NEK11: variants seen among roughly 807,000 people sequenced by gnomAD.
The protein encoded by NEK11 is NIMA related kinase 11, also known as serine/threonine-protein kinase Nek11.
NEK11 carries 72 observed loss-of-function variants against 80.7 expected under a neutral mutation model. The ratio of observed to expected loss-of-function variants is 0.89; its 90% CI spans 0.74 to 1.08. NEK11 has a LOEUF of 1.08. NEK11 is among the 50% of genes least tolerant of loss of function. NEK11 has a pLI of 0.00. For synonymous variants in NEK11, 251 were observed against 260.7 expected (o/e 0.96, Z 0.36); for missense variants, 764 against 763.6 (o/e 1.00, Z -0.01).
chr3:131,168,730 A>G, intron 12 of NEK11, 100 bp from the exon 13 acceptor site: 1 of 725,306 alleles, frequency 1.4e-6, no homozygotes, highest in Admixed American at 2.7e-5. Context: ...CTTGATTAAT[A>G]ATGAATAGAA....
intron 17 of NEK11, among the ~76,000 whole-genome samples, chr3:131,319,828 G>C (rs1219122200): frequency 6.6e-6 from 1 of 152,000 alleles, no homozygotes; most frequent in Non-Finnish European, 1.5e-5. Flanking sequence ...AGAATACAAA[G>C]ATGGTTATCT....
intron 17 of NEK11, among the ~76,000 whole-genome samples, chr3:131,279,714 C>T: frequency 6.6e-6 from 1 of 152,086 alleles, no homozygotes; most frequent in Non-Finnish European, 1.5e-5. Flanking sequence ...TCATAGACCC[C>T]CATTGTAACT....
At chr3:131,230,637 T>C (rs1449368172) in intron 15 of NEK11, among the ~76,000 whole-genome samples, 1 of 152,182 alleles carries the variant, frequency 6.6e-6, no homozygotes, top group South Asian at 2.1e-4. Context: ...AAAAATTCCT[T>C]CTTATTAGTC....
At position 131,224,972 on chromosome 3, in the gene NEK11, T is replaced by C. The variant is rs191617848; in HGVS notation, c.1400-3556T>C. Among the ~76,000 whole-genome samples, 24 of 152,310 alleles carry C rather than the reference T, an allele frequency of 1.6e-4. 1 individual carries two copies. The highest frequency in any genetic ancestry group is 5.8e-4 in the African/African-American group (24 of 41,574). On this transcript the variant is annotated intron_variant, in intron 14 of 17. Transcript: ENST00000383366. ...GTACAGTAAGCTGCTTAATTTATTA[T>C]TGAAGAAGGGAAAACATTTTTTATA... is the stretch of plus-strand genomic sequence containing the variant.
chr3:131,187,431 T>C (rs144843616), intron 14 of NEK11, among the ~76,000 whole-genome samples: 74 of 152,298 alleles, frequency 4.9e-4, no homozygotes, highest in African/African-American at 1.7e-3. Context: ...GTTGATCTTA[T>C]ATTTCAACTT....
At chr3:131,174,689 G>A in intron 14 of NEK11, 1 of 1,444,434 alleles carries the variant, frequency 6.9e-7, no homozygotes, top group Non-Finnish European at 9.5e-7. Context: ...TATATGTAAT[G>A]CTAATGATAT....
At chr3:131,072,914 T>C (rs2073673358) in intron 3 of NEK11, among the ~76,000 whole-genome samples, 1 of 152,202 alleles carries the variant, frequency 6.6e-6, no homozygotes, top group East Asian at 1.9e-4. Context: ...ATGCAGACTT[T>C]TGTTGCTCCC....
intron 17 of NEK11, among the ~76,000 whole-genome samples, chr3:131,323,138 A>G (rs2109785452): frequency 6.6e-6 from 1 of 152,216 alleles, no homozygotes; most frequent in South Asian, 2.1e-4. Flanking sequence ...TAGCTAGGAC[A>G]AACAAACAAA....
rs890796436 is a variant in NEK11 at position 131,177,438 on chromosome 3, C to T, written c.1399+6551C>T. Among the ~76,000 whole-genome samples the T allele has an allele frequency of 5.3e-5, 8 of 152,080 alleles. No homozygotes were observed. In the East Asian group the frequency reaches 7.7e-4, roughly 15 times the overall value. On this transcript the variant is annotated intron_variant, in intron 14 of 17. Coordinates refer to ENST00000383366, the MANE Select transcript of NEK11 (RefSeq NM_024800.5). Reference sequence around the variant, plus strand: ...AACATACATGTCTGTTACTGTATTTCGCTCAATCAGTGACAGGAGCTATTA... The same window carrying T: ...AACATACATGTCTGTTACTGTATTTTGCTCAATCAGTGACAGGAGCTATTA...
chr3:131,304,014 A>G (rs140865526), intron 17 of NEK11, among the ~76,000 whole-genome samples: 15 of 152,314 alleles, frequency 9.8e-5, no homozygotes, highest in African/African-American at 2.9e-4. Context: ...GTCTCTTTAC[A>G]TAATTCTTGC....
chr3:131,146,452 C>A (rs534987733), intron 7 of NEK11, among the ~76,000 whole-genome samples: 46 of 152,116 alleles, frequency 3.0e-4, no homozygotes, highest in African/African-American at 1.0e-3. Flanking sequence ...CTGATAAAAC[C>A]AGAGTTTGAA....
chr3:131,261,742 G>A (rs1226969308), intron 16 of NEK11, among the ~76,000 whole-genome samples: 1 of 152,066 alleles, frequency 6.6e-6, no homozygotes, highest in Non-Finnish European at 1.5e-5. Flanking sequence ...GTACTCCATA[G>A]TACTACTAGG....
At chr3:131,282,498 C>G (rs1191681709) in intron 17 of NEK11, among the ~76,000 whole-genome samples, 2 of 152,150 alleles carry the variant, frequency 1.3e-5, no homozygotes, top group African/African-American at 4.8e-5. Flanking sequence ...ATTTTTGCAT[C>G]TGTGTCATAG....
intron 17 of NEK11, among the ~76,000 whole-genome samples, chr3:131,277,873 G>A (rs1415681024): frequency 1.3e-5 from 2 of 152,196 alleles, no homozygotes; most frequent in Non-Finnish European, 1.5e-5. Context: ...GTTAGGGTGA[G>A]TTGAGATAAT....
At chr3:131,322,597 A>T (rs1227829024) in intron 17 of NEK11, among the ~76,000 whole-genome samples, 2 of 152,220 alleles carry the variant, frequency 1.3e-5, no homozygotes, top group African/African-American at 4.8e-5. Flanking sequence ...TCTAATGTGT[A>T]TATGAAGAAC....
intron 5 of NEK11, among the ~76,000 whole-genome samples, chr3:131,124,078 C>T (rs1396688350): frequency 1.3e-5 from 2 of 152,090 alleles, no homozygotes; most frequent in Non-Finnish European, 2.9e-5. Flanking sequence ...GTAACACGAC[C>T]ACGTATCCCG....
chr3:131,145,250 C>T (rs1424352691), intron 7 of NEK11, among the ~76,000 whole-genome samples: 3 of 152,090 alleles, frequency 2.0e-5, no homozygotes. Flanking sequence ...AACCATTGTC[C>T]CACCATAGCC....
At chr3:131,104,652 C>A (rs927780559) in intron 4 of NEK11, among the ~76,000 whole-genome samples, 18 of 152,236 alleles carry the variant, frequency 1.2e-4, no homozygotes, top group Non-Finnish European at 2.5e-4. Flanking sequence ...CAGCACCGTG[C>A]GTGTGGTACC....
intron 10 of NEK11, among the ~76,000 whole-genome samples, chr3:131,158,021 C>A (rs889020064): frequency 1.3e-4 from 20 of 152,084 alleles, no homozygotes; most frequent in Admixed American, 9.8e-4. Context: ...CCATGGGAGG[C>A]TTTAGACCCA....
Sources: allele counts gnomAD v4.1 joint callset (sites outside exome capture counted in the v4.1 genomes callset), GRCh38; gene constraint gnomAD v4.1.1; transcripts MANE v1.5; gene names NCBI Gene and HGNC (gene_info 2026-07-23, HGNC 2026-07-21).